AGO1: variants seen among roughly 807,000 people sequenced by gnomAD.
AGO1 encodes protein argonaute-1.
In AGO1, 11 loss-of-function variants were observed where a neutral mutation model predicts 109.2. That is an observed-to-expected ratio of 0.10 (90% confidence interval 0.06 to 0.17). The LOEUF (loss-of-function observed/expected upper bound fraction) is 0.17. Among genes scored for constraint, AGO1 ranks in the 10% least tolerant of loss-of-function variants. The pLI is 1.00. For synonymous variants in AGO1, 422 were observed against 418.6 expected (o/e 1.01, Z -0.10); for missense variants, 574 against 1,140.3 (o/e 0.50, Z 7.15).
rs537033546 is a variant in AGO1, at chr1:35,883,346, G to C, written c.-76G>C. On this transcript the variant is annotated 5_prime_UTR_variant, in exon 1 of 19. Transcript: ENST00000373204. This position sits in a 1 kb window ranked among gnomAD's most constrained non-coding sequence, Gnocchi z 5.4. ...CCCGGCCCGGGATCCCGAGCAGCGA[G>C]AGTGTGGGGTACCTAGGCCCCTCAC... 34 of 1,556,298 alleles carry C rather than the reference G, an allele frequency of 2.2e-5. No homozygotes were observed. The Admixed American group carries it at 4.2e-4, about 19-fold the overall frequency.
intron 12 of AGO1, among the ~76,000 whole-genome samples, chr1:35,909,369 T>C (rs1571367947): frequency 6.6e-6 from 1 of 152,334 alleles, no homozygotes; most frequent in Middle Eastern, 3.4e-3. Flanking sequence ...GACACATATC[T>C]AACCTTTCTA....
Position 35,888,688 on chromosome 1 carries a change from C to T in AGO1, c.209+78C>T. ...AGGGGCCAGAAAGGTAAAAGAAAAA[C>T]CAGTAGAGGGTAGTATCACCAAATC... On this transcript the variant is annotated intron_variant, in intron 2 of 18. Coordinates refer to ENST00000373204, the MANE Select transcript of AGO1 (RefSeq NM_012199.5). This position sits in a 1 kb window ranked among gnomAD's most constrained non-coding sequence, Gnocchi z 4.1. The T allele has an allele frequency of 6.6e-7, 1 of 1,520,802 alleles. No homozygotes were observed. The highest frequency in any genetic ancestry group is 1.9e-5 in the Admixed American group (1 of 53,392). 94.2% of individuals were successfully genotyped at this position (1,520,802 alleles called of 1,614,324 possible). A position where few individuals can be genotyped will look rare whatever the true frequency, so the allele number is the denominator to read the frequency against.
In AGO1 at chr1:35,888,683, A is replaced by G; in HGVS notation, c.209+73A>G. 1 of 1,547,678 alleles carries G rather than the reference A, an allele frequency of 6.5e-7. No individual in the cohort carries two copies. The highest frequency in any genetic ancestry group is 8.8e-7 in the Non-Finnish European group (1 of 1,136,026). On this transcript the variant is annotated intron_variant, in intron 2 of 18. Transcript: ENST00000373204. The surrounding 1 kb of genome is among the most constrained non-coding windows in gnomAD (Gnocchi z 4.1). ...GAAAGAGGGGCCAGAAAGGTAAAAG[A>G]AAAACCAGTAGAGGGTAGTATCACC...
At chr1:35,896,526 A>G (rs1645322959) in intron 8 of AGO1, among the ~76,000 whole-genome samples, 1 of 151,898 alleles carries the variant, frequency 6.6e-6, no homozygotes, top group Non-Finnish European at 1.5e-5. Context: ...GTGCCCAGAT[A>G]AGTTTTTTTT....
At position 35,893,975 on chromosome 1, in the gene AGO1, G is replaced by A; in HGVS notation, c.650-62G>A. On this transcript the variant is annotated intron_variant, in intron 5 of 18. Coordinates refer to ENST00000373204, the MANE Select transcript of AGO1 (RefSeq NM_012199.5). The surrounding 1 kb of genome is among the most constrained non-coding windows in gnomAD (Gnocchi z 5.6). ...TTTAAGGAAGAGGGTATAAATTGCT[G>A]TGCCTCCATGTATTGTGGAAGACAG... The A allele has an allele frequency of 6.6e-7, 1 of 1,522,200 alleles. No individual in the cohort carries two copies. The highest frequency in any genetic ancestry group is 1.3e-5 in the South Asian group (1 of 77,086). The allele number at this position is 1,522,200 out of a possible 1,614,324, so 94.3% of individuals were successfully genotyped here.
rs142302105 is a variant in AGO1 at position 35,914,148 on chromosome 1, A to G, written c.1743-36A>G. On this transcript the variant is annotated intron_variant, in intron 13 of 18. Transcript: ENST00000373204. The stretch of plus-strand genomic sequence containing the variant: ...GGATGGTGCCAGCTAGAGAAGACCC[A>G]GCGCCTCACCATTTTGTTTTCTCTT... 1.9e-4 allele frequency: 304 copies of G among 1,607,366 alleles called. No homozygotes were observed. The Middle Eastern group carries it at 2.6e-3, about 14-fold the overall frequency.
At chr1:35,880,664 G>A (rs1342154314), upstream of AGO1, among the ~76,000 whole-genome samples, 1 of 152,050 alleles carries the variant, frequency 6.6e-6, no homozygotes, top group Non-Finnish European at 1.5e-5. Flanking sequence ...GTTTCGTTTT[G>A]TTTTTTGTTT....
chr1:35,880,253 C>A (rs1645024499), upstream of AGO1, among the ~76,000 whole-genome samples: 1 of 151,878 alleles, frequency 6.6e-6, no homozygotes, highest in Non-Finnish European at 1.5e-5. Context: ...TGAGCTGGGA[C>A]CTTTGCCCTA....
At position 35,919,326 on chromosome 1, in the gene AGO1, G is replaced by T; in HGVS notation, c.2465+72G>T. 3 of 1,531,260 alleles carry T rather than the reference G, an allele frequency of 2.0e-6. No homozygotes were observed. The highest frequency in any genetic ancestry group is 2.4e-5 in the East Asian group (1 of 41,484). The allele number at this position is 1,531,260 out of a possible 1,614,324, so 94.9% of individuals were successfully genotyped here. A position where few individuals can be genotyped will look rare whatever the true frequency, so the allele number is the denominator to read the frequency against. On this transcript the variant is annotated intron_variant, in intron 18 of 18. Transcript: ENST00000373204. The surrounding 1 kb of genome is among the most constrained non-coding windows in gnomAD (Gnocchi z 6.6). ...TGCCAGATCTTCTTAACTTTCCTTG[G>T]GTAGAAGGAAATGAGTGCTGTCCAA...
intron 8 of AGO1, among the ~76,000 whole-genome samples, chr1:35,899,428 A>AT (rs1317342239): frequency 6.6e-6 from 1 of 152,180 alleles, no homozygotes; most frequent in East Asian, 1.9e-4. Flanking sequence ...GCTGGTTTAT[A>AT]TGGTAATTCT....
chr1:35,877,519 G>A (rs1007157025), intron 1 of AGO1, among the ~76,000 whole-genome samples: 1 of 151,682 alleles, frequency 6.6e-6, no homozygotes, highest in South Asian at 2.1e-4. Flanking sequence ...TTCCCATGTC[G>A]CCCATGTGCC....
chr1:35,892,453 G>T (rs1645238083), intron 2 of AGO1, 104 bp from the exon 3 acceptor site: 1 of 1,439,288 alleles, frequency 6.9e-7, no homozygotes, highest in African/African-American at 1.4e-5. Flanking sequence ...TAGATGTTAG[G>T]AGTGAGTATA....
At chr1:35,885,931 C>T (rs1571340258) in intron 1 of AGO1, among the ~76,000 whole-genome samples, 1 of 152,216 alleles carries the variant, frequency 6.6e-6, no homozygotes, top group African/African-American at 2.4e-5. Context: ...GAGAGATTGG[C>T]TTGTTAGTCT....
In AGO1 at chr1:35,888,700, A is replaced by G; in HGVS notation, c.209+90A>G. The G allele has an allele frequency of 7.0e-7, 1 of 1,424,306 alleles. No homozygotes were observed. Among genetic ancestry groups the G allele is most frequent in the East Asian group, 2.4e-5 (1 of 41,894 alleles). 88.2% of individuals were successfully genotyped at this position (1,424,306 alleles called of 1,614,324 possible). A position where few individuals can be genotyped will look rare whatever the true frequency, so the allele number is the denominator to read the frequency against. ...GGTAAAAGAAAAACCAGTAGAGGGT[A>G]GTATCACCAAATCTAAGGAAGTTTT... On this transcript the variant is annotated intron_variant, in intron 2 of 18. Transcript: ENST00000373204. This position sits in a 1 kb window ranked among gnomAD's most constrained non-coding sequence, Gnocchi z 4.1.
At chr1:35,892,849 C>T (rs914566138) in intron 3 of AGO1, among the ~76,000 whole-genome samples, 172 bp downstream of exon 3, 4 of 152,110 alleles carry the variant, frequency 2.6e-5, no homozygotes, top group African/African-American at 7.2e-5. Flanking sequence ...TGTGCCTGTC[C>T]GTGTCCTAAA....
Position 35,928,440 on chromosome 1 carries a change from C to T in AGO1, c.*8833C>T, listed in dbSNP as rs1645971355. ...GGCTTACAGGCGCACACCACCATGC[C>T]CAGCTAATTAAAAAAAAAATTTTTT... On this transcript the variant is annotated 3_prime_UTR_variant, in exon 19 of 19. Transcript: ENST00000373204. 1 of 150,932 alleles carries T rather than the reference C, an allele frequency of 6.6e-6. No homozygotes were observed. Among genetic ancestry groups the T allele is most frequent in the Admixed American group, 6.6e-5 (1 of 15,252 alleles). 9.3% of individuals were successfully genotyped at this position (150,932 alleles called of 1,614,324 possible).
chr1:35,890,691 A>G (rs1645202139), intron 2 of AGO1, among the ~76,000 whole-genome samples: 1 of 152,152 alleles, frequency 6.6e-6, no homozygotes, highest in Admixed American at 6.6e-5. Flanking sequence ...TTGGCCTAAT[A>G]CATTTCAGAG....
At chr1:35,904,139 T>C (rs1207214630) in intron 11 of AGO1, among the ~76,000 whole-genome samples, 1 of 129,996 alleles carries the variant, frequency 7.7e-6, no homozygotes, top group Non-Finnish European at 1.6e-5. Context: ...TGAGGCGGAG[T>C]CTCTCTCTGT....
Position 35,925,413 on chromosome 1 carries a change from A to AAATATT in AGO1, c.*5807_*5808insATATTA, listed in dbSNP as rs1645908602. On this transcript the variant is annotated 3_prime_UTR_variant, in exon 19 of 19. Coordinates refer to ENST00000373204, the MANE Select transcript of AGO1 (RefSeq NM_012199.5). ...ACAAAACCTAATTTTGTTCCTAGCC[A>AAATATT]ATATTATAAACCATGTTCCAGCATA... The AAATATT allele has an allele frequency of 6.7e-6, 1 of 148,602 alleles. No homozygotes were observed. Among genetic ancestry groups the AAATATT allele is most frequent in the African/African-American group, 2.5e-5 (1 of 39,906 alleles). The allele number at this position is 148,602 out of a possible 1,614,324, so 9.2% of individuals were successfully genotyped here.
Sources: gnomAD v4.1 joint callset for allele counts (sites outside exome capture counted in the v4.1 genomes callset) on GRCh38, gnomAD v4.1.1 for gene constraint, Gnocchi (gnomAD v3.1) non-coding constraint, MANE v1.5 for transcripts, NCBI Gene and HGNC (gene_info 2026-07-23, HGNC 2026-07-21) for gene names.